TNR: variants seen among roughly 807,000 people sequenced by gnomAD.
TNR encodes the protein tenascin-R.
A neutral mutation model predicts 150.4 loss-of-function variants in TNR; 45 were observed. That is an observed-to-expected ratio of 0.30 (90% CI 0.24 to 0.38). The LOEUF is 0.38. Among genes scored for constraint, TNR ranks in the 10% least tolerant of loss-of-function variants. The pLI is 1.00. For missense variants in TNR, 1,544 were observed against 1,759.1 expected (o/e 0.88, Z 2.19); for synonymous variants, 687 against 678.4 (o/e 1.01, Z -0.20).
intron 4 of TNR, 91 bp from the exon 5 acceptor site, chr1:175,396,898 T>C: frequency 6.6e-7 from 1 of 1,504,158 alleles, no homozygotes; most frequent in South Asian, 1.3e-5. Context: ...TCACCCCCCA[T>C]GCCATGTCTA....
intron 9 of TNR, among the ~76,000 whole-genome samples, chr1:175,377,459 GTT>G (rs60693271): frequency 0.17 from 20,485 of 121,174 alleles, 1,582 homozygotes; most frequent in African/African-American, 0.2. Context: ...TCATTTCAGG[GTT>G]TTTTTTTTTT....
In TNR at chr1:175,688,206, G is replaced by A. The variant is rs552354838; in HGVS notation, c.-165+55020C>T. On this transcript the variant is annotated intron_variant, in intron 1 of 22. Transcript: ENST00000367674. ...GTGCCAAGGTTCCAGAGCATTCTAG[G>A]CTGGGTACAGGGAGGAGCCCCAGTC... Among the ~76,000 whole-genome samples the A allele has an allele frequency of 5.3e-5, 8 of 152,290 alleles. 1 individual carries two copies. The highest frequency in any genetic ancestry group is 1.9e-4 in the African/African-American group (8 of 41,566).
intron 8 of TNR, among the ~76,000 whole-genome samples, chr1:175,381,420 T>C (rs1487986633): frequency 6.6e-6 from 1 of 152,222 alleles, no homozygotes; most frequent in Non-Finnish European, 1.5e-5. Context: ...TTTTTGATCA[T>C]AGGGGTTGTG....
At chr1:175,520,579 G>A (rs1291938581) in intron 2 of TNR, among the ~76,000 whole-genome samples, 1 of 152,136 alleles carries the variant, frequency 6.6e-6, no homozygotes, top group African/African-American at 2.4e-5. Context: ...CAACTTTAAT[G>A]TTGGAGCTAT....
intron 2 of TNR, among the ~76,000 whole-genome samples, chr1:175,447,265 C>G (rs1571452959): frequency 6.6e-6 from 1 of 152,268 alleles, no homozygotes; most frequent in East Asian, 1.9e-4. Context: ...TTCCTAGTCC[C>G]CCACACCAGC....
intron 1 of TNR, among the ~76,000 whole-genome samples, chr1:175,700,067 A>G (rs1391539779): frequency 6.6e-6 from 1 of 151,746 alleles, no homozygotes; most frequent in Non-Finnish European, 1.5e-5. Flanking sequence ...CTGCCGGACC[A>G]CCATGACCCC....
At chr1:175,415,083 G>A (rs1202873998) in intron 2 of TNR, among the ~76,000 whole-genome samples, 1 of 151,618 alleles carries the variant, frequency 6.6e-6, no homozygotes, top group East Asian at 1.9e-4. Flanking sequence ...TCCCCACTCC[G>A]TCCTTAGGGG....
At chr1:175,499,482 T>C (rs186766699) in intron 2 of TNR, among the ~76,000 whole-genome samples, 266 of 152,318 alleles carry the variant, frequency 1.7e-3, no homozygotes, top group African/African-American at 6.2e-3. Context: ...ACTTAAGACC[T>C]GGGTATGTTT....
chr1:175,405,889 G>T (rs577173242), intron 3 of TNR, among the ~76,000 whole-genome samples: 31 of 152,238 alleles, frequency 2.0e-4, no homozygotes, highest in African/African-American at 7.5e-4. Flanking sequence ...TTCCCTGCTC[G>T]CCATCGAAGT....
rs859397 is a variant in TNR, at chr1:175,406,767, G to A, written c.-53C>T. On this transcript the variant is annotated 5_prime_UTR_variant, in exon 3 of 23. Coordinates refer to ENST00000367674, the MANE Select transcript of TNR (RefSeq NM_003285.3). ...ACCAGCCTGCAGCACACAGCATGGA[G>A]TTGTGGGAATCTGCAACGGAAACCA... 860 of 1,581,418 alleles carry A rather than the reference G, an allele frequency of 5.4e-4. 4 individuals are homozygous for A. The African/African-American group carries it at 0.01, about 19-fold the overall frequency.
chr1:175,506,261 G>A (rs143664300), intron 2 of TNR, among the ~76,000 whole-genome samples: 21 of 152,268 alleles, frequency 1.4e-4, no homozygotes, highest in African/African-American at 4.3e-4. Context: ...GTGCCTTTCT[G>A]TTATATTTGT....
intron 1 of TNR, among the ~76,000 whole-genome samples, chr1:175,739,793 G>GCTCTATCAC (rs1179119821): frequency 6.6e-6 from 1 of 152,158 alleles, no homozygotes; most frequent in African/African-American, 2.4e-5. Flanking sequence ...CTATCACAAT[G>GCTCTATCAC]AACTCTCCTC....
intron 1 of TNR, among the ~76,000 whole-genome samples, chr1:175,730,696 A>C (rs1360462523): frequency 6.6e-6 from 1 of 152,236 alleles, no homozygotes; most frequent in East Asian, 1.9e-4. Flanking sequence ...GGGAACGGAC[A>C]ATAAGGAAGA....
In TNR at chr1:175,706,757, C is replaced by G. The variant is rs142889507; in HGVS notation, c.-165+36469G>C. ...GGCCCGTGCAGGTAAAATCTAATTC[C>G]CCTTCTACATAAACAGCCCTTCAAA... On this transcript the variant is annotated intron_variant, in intron 1 of 22. Coordinates refer to ENST00000367674, the MANE Select transcript of TNR (RefSeq NM_003285.3). Among the ~76,000 whole-genome samples, 700 of 152,204 alleles carry G rather than the reference C, an allele frequency of 4.6e-3. 3 individuals carry two copies. The highest frequency in any genetic ancestry group is 6.2e-3 in the Non-Finnish European group (422 of 68,018).
intron 1 of TNR, among the ~76,000 whole-genome samples, chr1:175,698,566 G>A (rs931023468): frequency 6.6e-6 from 1 of 152,168 alleles, no homozygotes. Flanking sequence ...TCGGCCGGGT[G>A]CAGTGGCTCA....
chr1:175,704,892 A>G (rs1666804452), intron 1 of TNR, among the ~76,000 whole-genome samples: 1 of 152,100 alleles, frequency 6.6e-6, no homozygotes, highest in Admixed American at 6.5e-5. Context: ...CTTTTTCGGG[A>G]TAATTTCCTT....
intron 18 of TNR, among the ~76,000 whole-genome samples, chr1:175,351,427 G>A (rs1181838175): frequency 6.6e-6 from 1 of 152,158 alleles, no homozygotes. Context: ...TGAAATTAGA[G>A]GGAATTTGGG....
intron 2 of TNR, among the ~76,000 whole-genome samples, chr1:175,407,285 G>A (rs1557914425): frequency 6.6e-6 from 1 of 152,162 alleles, no homozygotes; most frequent in Non-Finnish European, 1.5e-5. Flanking sequence ...AGAATAACCA[G>A]CCAGGCAAAT....
intron 1 of TNR, among the ~76,000 whole-genome samples, chr1:175,571,145 C>T (rs1254780298): frequency 6.6e-6 from 1 of 152,328 alleles, no homozygotes; most frequent in South Asian, 2.1e-4. Flanking sequence ...GTCCGCAACC[C>T]ATCCTGGAGT....
Sources: allele counts gnomAD v4.1 joint callset (sites outside exome capture counted in the v4.1 genomes callset), GRCh38; gene constraint gnomAD v4.1.1; transcripts MANE v1.5; gene names NCBI Gene and HGNC (gene_info 2026-07-23, HGNC 2026-07-21).